The following NAV3 variants were observed in gnomAD, a reference collection of about 807,000 sequenced individuals.
NAV3 encodes the protein neuron navigator 3.
In NAV3, 87 loss-of-function variants were observed where a neutral mutation model predicts 244.7. That is an observed-to-expected ratio of 0.36 (90% confidence interval 0.30 to 0.42). NAV3 has a LOEUF of 0.42. Ranked by LOEUF, NAV3 falls within the 20% of genes least tolerant of loss-of-function variation. NAV3 has a pLI of 1.00. For synonymous variants in NAV3, 1,126 were observed against 1,042.2 expected (o/e 1.08, Z -1.55); for missense variants, 2,663 against 2,893.3 (o/e 0.92, Z 1.83).
At chr12:78,204,393 A>G (rs1467230777) in intron 38 of NAV3, among the ~76,000 whole-genome samples, 1 of 152,156 alleles carries the variant, frequency 6.6e-6, no homozygotes, top group Non-Finnish European at 1.5e-5. Flanking sequence ...ACAGAAAGCA[A>G]TGGGATTAAA....
chr12:77,785,154 C>T (rs1870846228), intron 2 of NAV3, among the ~76,000 whole-genome samples: 1 of 152,112 alleles, frequency 6.6e-6, no homozygotes, highest in Admixed American at 6.6e-5. Context: ...AGGCACACAA[C>T]AGGGCAACTA....
At chr12:77,854,996 G>A (rs939742573) in intron 1 of NAV3, among the ~76,000 whole-genome samples, 5 of 151,990 alleles carry the variant, frequency 3.3e-5, no homozygotes, top group African/African-American at 4.8e-5. Context: ...GCGTGGTGGC[G>A]GGCGCCTGTA....
intron 2 of NAV3, among the ~76,000 whole-genome samples, chr12:77,605,078 T>G (rs1870611005): frequency 1.3e-5 from 2 of 152,144 alleles, no homozygotes; most frequent in Non-Finnish European, 1.5e-5. Context: ...TCTTGATTCA[T>G]GATGAGTCAT....
At chr12:77,894,408 A>C (rs1884322175) in intron 1 of NAV3, among the ~76,000 whole-genome samples, 1 of 152,140 alleles carries the variant, frequency 6.6e-6, no homozygotes, top group African/African-American at 2.4e-5. Flanking sequence ...AGATTTGCAA[A>C]ATGTAATAAT....
chr12:78,094,529 A>C (rs1268178503), intron 12 of NAV3, among the ~76,000 whole-genome samples: 4 of 152,200 alleles, frequency 2.6e-5, no homozygotes, highest in Admixed American at 2.6e-4. Context: ...AGATGCTAAG[A>C]CTGTCATGTC....
chr12:77,818,730 C>T (rs1000278374), intron 2 of NAV3, among the ~76,000 whole-genome samples: 4 of 152,040 alleles, frequency 2.6e-5, no homozygotes, highest in African/African-American at 9.7e-5. Context: ...CAAATTACCG[C>T]TCATCGTTCA....
At chr12:77,751,266 CTT>C (rs1382106575) in intron 2 of NAV3, among the ~76,000 whole-genome samples, 1 of 152,196 alleles carries the variant, frequency 6.6e-6, no homozygotes, top group East Asian at 1.9e-4. Flanking sequence ...TTTGTAGCCT[CTT>C]TTCGTAGAGC....
At chr12:77,622,833 C>A (rs73425540) in intron 2 of NAV3, among the ~76,000 whole-genome samples, 5,103 of 152,094 alleles carry the variant, frequency 0.034, 318 homozygotes, top group African/African-American at 0.12. Flanking sequence ...AGTTTAAAAG[C>A]TTTCTAGTAA....
chr12:77,670,407 G>A (rs540689876), intron 2 of NAV3, among the ~76,000 whole-genome samples: 23 of 151,982 alleles, frequency 1.5e-4, no homozygotes, highest in African/African-American at 5.5e-4. Flanking sequence ...TATTCCACAA[G>A]ATAAAGTGGG....
chr12:77,609,738 A>ATC (rs921769585), intron 2 of NAV3, among the ~76,000 whole-genome samples: 1 of 152,010 alleles, frequency 6.6e-6, no homozygotes, highest in African/African-American at 2.4e-5. Context: ...AGTTGTAATC[A>ATC]TCTTTACCTA....
At chr12:77,619,595 C>T (rs1193323325) in intron 2 of NAV3, among the ~76,000 whole-genome samples, 1 of 152,076 alleles carries the variant, frequency 6.6e-6, no homozygotes, top group Non-Finnish European at 1.5e-5. Context: ...GATGGTGTGT[C>T]CTGTCAGTCT....
At chr12:77,726,394 A>G (rs1312662685) in intron 2 of NAV3, among the ~76,000 whole-genome samples, 1 of 151,932 alleles carries the variant, frequency 6.6e-6, no homozygotes, top group East Asian at 1.9e-4. Flanking sequence ...CAGTTGTGTG[A>G]CAGGTGCCCT....
intron 1 of NAV3, among the ~76,000 whole-genome samples, chr12:77,895,288 T>A (rs1884448775): frequency 2.0e-5 from 3 of 148,458 alleles, no homozygotes; most frequent in African/African-American, 2.5e-5. Context: ...ACATTTTAAT[T>A]TTAAAATAGG....
At chr12:77,673,939 T>C (rs1874097019) in intron 2 of NAV3, among the ~76,000 whole-genome samples, 1 of 152,188 alleles carries the variant, frequency 6.6e-6, no homozygotes, top group South Asian at 2.1e-4. Context: ...AGAGTCTTAA[T>C]ACACTGCATA....
intron 2 of NAV3, among the ~76,000 whole-genome samples, chr12:77,708,927 CTGAAGTTG>C (rs1875967605): frequency 6.6e-6 from 1 of 152,118 alleles, no homozygotes; most frequent in African/African-American, 2.4e-5. Context: ...TGAGACTTTG[CTGAAGTTG>C]CTTATCAGCT....
intron 5 of NAV3, among the ~76,000 whole-genome samples, chr12:77,976,666 C>CTTTT (rs1295751885): frequency 1.8e-3 from 107 of 58,024 alleles, no homozygotes; most frequent in African/African-American, 4.9e-3. Context: ...TTCTTTCTTT[C>CTTTT]TTTTTTTCTT....
chr12:77,577,457 G>GA (rs1226896608), intron 2 of NAV3, among the ~76,000 whole-genome samples: 2 of 152,078 alleles, frequency 1.3e-5, no homozygotes, highest in African/African-American at 4.8e-5. Flanking sequence ...TGGTATAACA[G>GA]AAAAAACTGG....
intron 12 of NAV3, among the ~76,000 whole-genome samples, chr12:78,113,447 G>T (rs1395451362): frequency 1.3e-5 from 2 of 152,210 alleles, no homozygotes; most frequent in Non-Finnish European, 2.9e-5. Context: ...AATCTAGGCG[G>T]AGGTTTCCAG....
At chr12:78,014,096 T>C (rs1396539018) in intron 8 of NAV3, among the ~76,000 whole-genome samples, 1 of 152,042 alleles carries the variant, frequency 6.6e-6, no homozygotes, top group African/African-American at 2.4e-5. Flanking sequence ...CAAGGACATG[T>C]GAAATAAAAT....
Sources: gnomAD v4.1 joint callset for allele counts (sites outside exome capture counted in the v4.1 genomes callset) on GRCh38, gnomAD v4.1.1 for gene constraint, MANE v1.5 for transcripts, NCBI Gene and HGNC (gene_info 2026-07-23, HGNC 2026-07-21) for gene names.